Variants in ZAN observed in about 807,000 individuals in gnomAD.
ZAN encodes zonadhesin.
A neutral mutation model predicts 286.2 loss-of-function variants in ZAN; 260 were observed. The ratio of observed to expected loss-of-function variants is 0.91; its 90% CI spans 0.82 to 1.01. The LOEUF (loss-of-function observed/expected upper bound fraction) is 1.01, where lower values mean the gene tolerates loss of function less well. Among genes scored for constraint, ZAN ranks in the 50% least tolerant of loss-of-function variants. The probability of loss-of-function intolerance (pLI) is 0.00; values close to 1 mark genes in which losing one functional copy is unlikely to be tolerated. For synonymous variants in ZAN, 1,368 were observed against 1,417.5 expected (o/e 0.97, Z 0.79); for missense variants, 3,410 against 3,639.2 (o/e 0.94, Z 1.62).
chr7:100,791,647 T>A lies in ZAN; in HGVS notation c.7530-319T>A, dbSNP rs314336. Among the ~76,000 whole-genome samples the A allele has an allele frequency of 5.9e-5, 9 of 152,092 alleles. 1 individual carries two copies. The highest frequency in any genetic ancestry group is 2.2e-4 in the African/African-American group (9 of 41,516). ...GTCTCGAACTCCTGACCTCAAGGGA[T>A]CTGCCCACCTAGGCCTCCCAAAGTG... On this transcript the variant is annotated intron_variant, in intron 40 of 47. Transcript: ENST00000613979.
intron 17 of ZAN, 70 bp downstream of exon 17, chr7:100,758,720 G>A: frequency 6.5e-7 from 1 of 1,526,984 alleles, no homozygotes; most frequent in Non-Finnish European, 8.8e-7. Flanking sequence ...CATGGGGCAT[G>A]GTGGGTGGCA....
At chr7:100,761,888 G>A (rs1197999321) in intron 19 of ZAN, among the ~76,000 whole-genome samples, 1 of 151,700 alleles carries the variant, frequency 6.6e-6, no homozygotes, top group African/African-American at 2.4e-5. Flanking sequence ...GCAGTGAGCC[G>A]AGGTTGCACC....
chr7:100,746,566 G>T lies in ZAN; in HGVS notation c.795G>T (p.Lys265Asn). Residue 265 changes from lysine to asparagine, a missense_variant, in exon 8 of 48, where the codon AAG becomes AAT. By Grantham distance (94) the Lys-to-Asn change is moderately conservative (BLOSUM62 0). Coordinates refer to ENST00000613979, the MANE Select transcript of ZAN (RefSeq NM_003386.3). ...GCTGCTACATGCTCCTGGACCCCAA[G>T]AATGCAAGACCTGGGCAGAAAGCTG... Reference protein sequence around the residue: ...GSGCYMLLDPKNARPGQKAVL... With the variant: ...GSGCYMLLDPNNARPGQKAVL... 2 of 1,613,964 alleles carry T rather than the reference G, an allele frequency of 1.2e-6. No individual in the cohort carries two copies. The highest frequency in any genetic ancestry group is 1.1e-5 in the South Asian group (1 of 91,078).
At position 100,765,566 on chromosome 7, in the gene ZAN, C is replaced by T. The variant is rs371095508; in HGVS notation, c.4470+12C>T. On this transcript the variant is annotated intron_variant, in intron 23 of 47. Coordinates refer to ENST00000613979, the MANE Select transcript of ZAN (RefSeq NM_003386.3). ...GCAGCTACTTCAAGGTGAGCGGCTG[C>T]GTGGACCTCTCAGCCCTGCAGCTAG... 3.5e-5 allele frequency: 55 copies of T among 1,587,930 alleles called. No individual in the cohort carries two copies. The East Asian group carries it at 3.9e-4, about 11-fold the overall frequency.
At chr7:100,750,580 T>A (rs1395863334) in intron 11 of ZAN, 45 bp from the exon 12 acceptor site, 3 of 1,602,518 alleles carry the variant, frequency 1.9e-6, no homozygotes, top group Non-Finnish European at 2.6e-6. Flanking sequence ...AGTTGGCATG[T>A]CCTGTGCAGG....
chr7:100,788,390 A>C (rs1357477923), intron 38 of ZAN, among the ~76,000 whole-genome samples: 4 of 151,798 alleles, frequency 2.6e-5, no homozygotes, highest in Non-Finnish European at 5.9e-5. Context: ...ACATCTCTGC[A>C]AAAAATTTAA....
chr7:100,797,325 G>A (rs761367949), intron 45 of ZAN, 41 bp from the exon 46 acceptor site: 113 of 1,597,540 alleles, frequency 7.1e-5, no homozygotes, highest in Admixed American at 1.8e-4. Flanking sequence ...CACCCTTCCC[G>A]TCTCACGTTC....
At chr7:100,739,319 CTTCA>C (rs1311170369) in intron 7 of ZAN, among the ~76,000 whole-genome samples, 4 of 137,432 alleles carry the variant, frequency 2.9e-5, no homozygotes, top group East Asian at 4.3e-4. Context: ...CCCTTTCATT[CTTCA>C]TTCATTCAAG....
At chr7:100,780,954 A>C (rs1811160539) in intron 35 of ZAN, among the ~76,000 whole-genome samples, 1 of 152,044 alleles carries the variant, frequency 6.6e-6, no homozygotes, top group Non-Finnish European at 1.5e-5. Flanking sequence ...AACAAAAGAC[A>C]AGAAAACTAT....
At chr7:100,796,982 C>T (rs1167905363) in intron 45 of ZAN, among the ~76,000 whole-genome samples, 4 of 152,018 alleles carry the variant, frequency 2.6e-5, no homozygotes, top group Admixed American at 1.3e-4. Flanking sequence ...CAAAAAATCA[C>T]GAAAATTAAC....
rs115538176 is a variant in ZAN at position 100,793,815 on chromosome 7, C to T, written c.7788-5C>T. On this transcript the variant is annotated splice_polypyrimidine_tract_variant and splice_region_variant and intron_variant, in intron 42 of 47. Coordinates refer to ENST00000613979, the MANE Select transcript of ZAN (RefSeq NM_003386.3). ...GCCAGTTTCTGACCATGACTGTCCCCGCAGCCATGGAGTGTCCAGCAGGTA... is the reference window on the plus strand; with the variant it reads ...GCCAGTTTCTGACCATGACTGTCCCTGCAGCCATGGAGTGTCCAGCAGGTA... 4,091 of 1,576,536 alleles carry T rather than the reference C, an allele frequency of 2.6e-3. 78 individuals are homozygous for T. The African/African-American group carries it at 0.045, about 17-fold the overall frequency.
chr7:100,751,550 G>A (rs1054015769), intron 13 of ZAN, among the ~76,000 whole-genome samples, 162 bp from the exon 14 acceptor site: 1 of 152,134 alleles, frequency 6.6e-6, no homozygotes, highest in African/African-American at 2.4e-5. Flanking sequence ...CATAATATCT[G>A]ACATATATTA....
At position 100,785,978 on chromosome 7, in the gene ZAN, C is replaced by T. The variant is rs755120773; in HGVS notation, c.6835-19C>T. 7 of 1,608,646 alleles carry T rather than the reference C, an allele frequency of 4.4e-6. No homozygotes were observed. Among genetic ancestry groups the T allele is most frequent in the African/African-American group, 1.3e-5 (1 of 74,868 alleles). On this transcript the variant is annotated intron_variant, in intron 36 of 47. Transcript: ENST00000613979. ...CCAGCCCCCTCCTCACTCTCTTTCT[C>T]TTCCTGTAACTTCTACAGCTGGGCA...
At chr7:100,769,208 C>T (rs753260078) in intron 27 of ZAN, among the ~76,000 whole-genome samples, 22 of 152,116 alleles carry the variant, frequency 1.4e-4, no homozygotes, top group Non-Finnish European at 2.6e-4. Flanking sequence ...ATTATCCTGC[C>T]TCAGCCTCCC....
Position 100,773,325 on chromosome 7 carries a change from C to T in ZAN, c.5466C>T (p.Ser1822=), listed in dbSNP as rs1219991638. 1 of 1,613,902 alleles carries T rather than the reference C, an allele frequency of 6.2e-7. No individual in the cohort carries two copies. Among genetic ancestry groups the T allele is most frequent in the Admixed American group, 1.7e-5 (1 of 60,004 alleles). Residue 1822 remains serine, a synonymous_variant, in exon 30 of 48, where the codon AGC becomes AGT. Transcript: ENST00000613979. ...CTGGCAGCAGCTACAGCCCCTGCAGCAGCCCCTGCCCAGACACCTGCAGCA... is the reference window on the plus strand; with the variant it reads ...CTGGCAGCAGCTACAGCCCCTGCAGTAGCCCCTGCCCAGACACCTGCAGCA... ...CPPGSSYSPC[S]SPCPDTCSSI...
At chr7:100,751,038 A>T in intron 12 of ZAN, 142 bp downstream of exon 12, 1 of 1,400,410 alleles carries the variant, frequency 7.1e-7, no homozygotes, top group Non-Finnish European at 9.5e-7. Context: ...GAAAGTGAGA[A>T]AGGGGCCGGG....
Position 100,779,466 on chromosome 7 carries a change from A to T in ZAN, c.6338A>T (p.Asp2113Val). 4 of 1,607,814 alleles carry T rather than the reference A, an allele frequency of 2.5e-6. No homozygotes were observed. The highest frequency in any genetic ancestry group is 3.4e-6 in the Non-Finnish European group (4 of 1,176,432). ...CCCAGTTGTCAGAGTCTCCTGGTAGATGAGCAGCAGATTCCAGCGGAACAG... is the reference window on the plus strand; with the variant it reads ...CCCAGTTGTCAGAGTCTCCTGGTAGTTGAGCAGCAGATTCCAGCGGAACAG... The part of the protein sequence containing the change: ...IDPSCQSLLV[D>V]EQQIPAEQQE... The change falls in exon 35 of 48, where the codon GAT becomes GTT. Residue 2113 changes from aspartate (D) to valine (V), a missense_variant. By Grantham distance (152) the Asp-to-Val change is radical. Around this residue, in one of 7 missense-constraint regions of ZAN, gnomAD observed 1,289 missense variants for 1,314.3 expected, o/e 0.98. Coordinates refer to ENST00000613979, the MANE Select transcript of ZAN (RefSeq NM_003386.3).
At chr7:100,766,708 C>T in intron 24 of ZAN, 42 bp downstream of exon 24, 3 of 1,541,292 alleles carry the variant, frequency 1.9e-6, no homozygotes, top group Non-Finnish European at 2.6e-6. Context: ...GCTGCCCAGG[C>T]AACACCAGGC....
Position 100,760,539 on chromosome 7 carries a change from A to G in ZAN, c.3842+3A>G. 6.2e-7 allele frequency: 1 copy of G among 1,613,474 alleles called. No individual in the cohort carries two copies. ...CAGCTGTATGTTACTGTGTCCAGGT[A>G]AGGCAGTGTCCCAGCCAGGCAGCTG... On this transcript the variant is annotated splice_donor_region_variant and intron_variant, in intron 19 of 47. Coordinates refer to ENST00000613979, the MANE Select transcript of ZAN (RefSeq NM_003386.3).
Sources: gnomAD v4.1 joint callset for allele counts (sites outside exome capture counted in the v4.1 genomes callset) on GRCh38, gnomAD v4.1.1 for gene constraint, gnomAD v4.1.1 regional missense constraint, MANE v1.5 for transcripts, NCBI Gene and HGNC (gene_info 2026-07-23, HGNC 2026-07-21) for gene names.